ZNF804A: variants seen among roughly 807,000 people sequenced by gnomAD.
ZNF804A encodes zinc finger protein 804A.
ZNF804A carries 2 observed loss-of-function variants against 16.5 expected under a neutral mutation model. The ratio of observed to expected loss-of-function variants is 0.12; its 90% CI spans 0.05 to 0.38. The LOEUF is 0.38. Ranked by LOEUF, ZNF804A falls within the 10% of genes least tolerant of loss-of-function variation. ZNF804A has a pLI of 0.99. For synonymous variants in ZNF804A, 534 were observed against 489.6 expected (o/e 1.09, Z -1.20); for missense variants, 1,473 against 1,390.7 (o/e 1.06, Z -0.94).
intron 1 of ZNF804A, among the ~76,000 whole-genome samples, chr2:184,678,015 G>A (rs1440374170): frequency 2.0e-5 from 3 of 151,912 alleles, no homozygotes; most frequent in Admixed American, 1.3e-4. Flanking sequence ...ATCTTAGAAG[G>A]TCTGAAGATC....
intron 1 of ZNF804A, among the ~76,000 whole-genome samples, chr2:184,696,015 A>C (rs1192482097): frequency 6.6e-6 from 1 of 152,180 alleles, no homozygotes; most frequent in African/African-American, 2.4e-5. Context: ...AACCAATTAC[A>C]TTATAATATC....
intron 1 of ZNF804A, among the ~76,000 whole-genome samples, chr2:184,629,228 T>C (rs770050345): frequency 6.6e-6 from 1 of 152,162 alleles, no homozygotes; most frequent in Non-Finnish European, 1.5e-5. Flanking sequence ...ATTCACTTTA[T>C]TGTGTCTCTT....
At chr2:184,678,604 G>A (rs1328186388) in intron 1 of ZNF804A, among the ~76,000 whole-genome samples, 2 of 152,146 alleles carry the variant, frequency 1.3e-5, no homozygotes, top group Non-Finnish European at 2.9e-5. Context: ...CAGAGATACA[G>A]GATGATGCCG....
intron 1 of ZNF804A, among the ~76,000 whole-genome samples, chr2:184,733,651 G>C (rs931001236): frequency 2.6e-5 from 4 of 152,058 alleles, no homozygotes; most frequent in African/African-American, 9.7e-5. Flanking sequence ...TCTGAGCTTT[G>C]TATGTTCTGT....
At chr2:184,746,157 C>T (rs534653849) in intron 1 of ZNF804A, among the ~76,000 whole-genome samples, 2 of 151,622 alleles carry the variant, frequency 1.3e-5, no homozygotes, top group African/African-American at 4.8e-5. Context: ...TATCCATCAC[C>T]TAAAACATTT....
intron 2 of ZNF804A, among the ~76,000 whole-genome samples, chr2:184,917,216 T>A (rs1685462107): frequency 6.6e-6 from 1 of 152,080 alleles, no homozygotes; most frequent in South Asian, 2.1e-4. Flanking sequence ...AACCCAAAAT[T>A]AATCTCCAAA....
intron 2 of ZNF804A, among the ~76,000 whole-genome samples, chr2:184,873,182 A>C (rs1361892762): frequency 2.0e-5 from 3 of 152,198 alleles, no homozygotes; most frequent in Non-Finnish European, 4.4e-5. Flanking sequence ...TTTTTGTGAC[A>C]TTGGGGTATA....
Position 184,682,883 on chromosome 2 carries a change from C to T in ZNF804A, c.111+83813C>T, listed in dbSNP as rs187174262. ...ATTAACCCAGCATGGTGGTGTACCC[C>T]TGTAGTCCCAGCTACTCTGGAGGCT... On this transcript the variant is annotated intron_variant, in intron 1 of 3. Coordinates refer to ENST00000302277, the MANE Select transcript of ZNF804A (RefSeq NM_194250.2). Among the ~76,000 whole-genome samples, 5 of 152,244 alleles carry T rather than the reference C, an allele frequency of 3.3e-5. No individual in the cohort carries two copies. The East Asian group carries it at 9.6e-4, about 29-fold the overall frequency.
intron 1 of ZNF804A, among the ~76,000 whole-genome samples, chr2:184,716,284 T>A (rs907321930): frequency 6.6e-6 from 1 of 152,146 alleles, no homozygotes; most frequent in African/African-American, 2.4e-5. Context: ...GCCAGTACTT[T>A]CACATTTTTG....
At position 184,938,352 on chromosome 2, in the gene ZNF804A, G is replaced by A; in HGVS notation, c.2956G>A (p.Glu986Lys). ...GGCCCTTCCACAAGGAAAGATGAAT[G>A]AGACACCAACTGAGTGGCTGCGTTA... ...AEALPQGKMN[E>K]TPTEWLRYNS... is the part of the protein sequence containing the mutation. Residue 986 changes from glutamate to lysine, a missense_variant, in exon 4 of 4, where the codon GAG becomes AAG. By Grantham distance (56) the Glu-to-Lys change is moderately conservative. Transcript: ENST00000302277. The A allele has an allele frequency of 6.2e-7, 1 of 1,614,102 alleles. No individual in the cohort carries two copies.
intron 2 of ZNF804A, among the ~76,000 whole-genome samples, chr2:184,882,719 T>C (rs1242708883): frequency 6.6e-6 from 1 of 152,016 alleles, no homozygotes; most frequent in Non-Finnish European, 1.5e-5. Flanking sequence ...AAGGCAGAAA[T>C]CAAGAAATTA....
chr2:184,763,747 A>G (rs946754634), intron 1 of ZNF804A, among the ~76,000 whole-genome samples: 3 of 136,044 alleles, frequency 2.2e-5, no homozygotes, highest in Non-Finnish European at 4.5e-5. Flanking sequence ...GGTTCATGCC[A>G]TTCTCCTGCC....
rs752032682 is a variant in ZNF804A, at chr2:184,938,053, T to G, written c.2657T>G (p.Leu886Arg). The G allele has an allele frequency of 1.9e-6, 3 of 1,614,070 alleles. No homozygotes were observed. The highest frequency in any genetic ancestry group is 2.2e-5 in the South Asian group (2 of 91,090). The change falls in exon 4 of 4, where the codon CTC becomes CGC. Residue 886 changes from leucine (L) to arginine (R), a missense_variant. Transcript: ENST00000302277. The part of the protein sequence containing the change: ...RNKLSFHPNN[L>R]LPSETNGETE... ...AAACTGTCTTTCCACCCTAACAATCTCCTTCCTTCTGAAACCAATGGTGAA... is the reference window on the plus strand; with the variant it reads ...AAACTGTCTTTCCACCCTAACAATCGCCTTCCTTCTGAAACCAATGGTGAA...
chr2:184,753,782 C>A (rs1019181325), intron 1 of ZNF804A, among the ~76,000 whole-genome samples: 1 of 151,762 alleles, frequency 6.6e-6, no homozygotes, highest in Non-Finnish European at 1.5e-5. Context: ...ATCACAGGAG[C>A]CTTCATGAAG....
intron 1 of ZNF804A, among the ~76,000 whole-genome samples, chr2:184,676,233 A>T (rs768110867): frequency 1.4e-4 from 21 of 151,706 alleles, no homozygotes; most frequent in Non-Finnish European, 2.8e-4. Flanking sequence ...GTTTATTGTT[A>T]TATTAAATAT....
chr2:184,925,112 G>A (rs748366054), intron 2 of ZNF804A, among the ~76,000 whole-genome samples: 23 of 152,046 alleles, frequency 1.5e-4, no homozygotes, highest in East Asian at 5.8e-4. Context: ...TGGAATATTC[G>A]TGCAATGCTG....
At chr2:184,669,078 T>C (rs1014693353) in intron 1 of ZNF804A, among the ~76,000 whole-genome samples, 1 of 152,014 alleles carries the variant, frequency 6.6e-6, no homozygotes, top group Non-Finnish European at 1.5e-5. Flanking sequence ...AGAAAATGAA[T>C]GTAACAACTC....
At chr2:184,629,218 A>G (rs1691563091) in intron 1 of ZNF804A, among the ~76,000 whole-genome samples, 1 of 152,110 alleles carries the variant, frequency 6.6e-6, no homozygotes, top group Non-Finnish European at 1.5e-5. Context: ...CCAATTTATC[A>G]TTCACTTTAT....
At chr2:184,822,690 G>A (rs573531055) in intron 1 of ZNF804A, among the ~76,000 whole-genome samples, 1 of 152,154 alleles carries the variant, frequency 6.6e-6, no homozygotes, top group East Asian at 1.9e-4. Flanking sequence ...AACTTTGGGT[G>A]AGGAATGGTG....
Sources: gnomAD v4.1 joint callset for allele counts (sites outside exome capture counted in the v4.1 genomes callset) on GRCh38, gnomAD v4.1.1 for gene constraint, MANE v1.5 for transcripts, NCBI Gene and HGNC (gene_info 2026-07-23, HGNC 2026-07-21) for gene names.